Variants in NCKAP5 observed in about 807,000 individuals in gnomAD.
NCKAP5 encodes NCK associated protein 5, also known as nck-associated protein 5.
In NCKAP5, 92 loss-of-function variants were observed where a neutral mutation model predicts 167.0. The observed-to-expected ratio is 0.55, with a 90% CI of 0.47 to 0.66. The LOEUF (loss-of-function observed/expected upper bound fraction) is 0.66. NCKAP5 is among the 30% of genes least tolerant of loss of function. NCKAP5 has a pLI of 0.00. For missense variants in NCKAP5, 2,378 were observed against 2,315.0 expected (o/e 1.03, Z -0.56); for synonymous variants, 891 against 877.4 (o/e 1.02, Z -0.27).
rs1689808707 is a variant in NCKAP5, at chr2:132,860,522, T to C, written c.777A>G (p.Arg259=). 6.3e-7 allele frequency: 1 copy of C among 1,583,980 alleles called. No homozygotes were observed. The highest frequency in any genetic ancestry group is 8.6e-7 in the Non-Finnish European group (1 of 1,162,866). The change falls in exon 11 of 20, where the codon CGA becomes CGG. Residue 259 remains arginine (R), a synonymous_variant. Transcript: ENST00000409261. ...GGAGCAGATCAGAAGTGGGTCTGACTCGCTGTTGGAATAGGATGCTTAGTG... is the reference window on the plus strand; with the variant it reads ...GGAGCAGATCAGAAGTGGGTCTGACCCGCTGTTGGAATAGGATGCTTAGTG... The part of the protein sequence containing the change: ...NRTLSILFQQ[R]VRPTSDLLLQ...
In NCKAP5 at chr2:133,477,610, C is replaced by G. The variant is rs567193599; in HGVS notation, c.69+39848G>C. 1.8e-3 allele frequency among the ~76,000 whole-genome samples: 275 copies of G among 152,140 alleles called. 1 individual carries two copies. The highest frequency in any genetic ancestry group is 5.8e-3 in the African/African-American group (240 of 41,504). On this transcript the variant is annotated intron_variant, in intron 3 of 19. Coordinates refer to ENST00000409261, the MANE Select transcript of NCKAP5 (RefSeq NM_207363.3). ...AGAGTTTAATTTATAAATTAGATAC[C>G]ACAAGAGATTAACAGTAACTACTAA...
At chr2:132,870,435 A>G (rs1054479955) in intron 9 of NCKAP5, among the ~76,000 whole-genome samples, 1 of 152,132 alleles carries the variant, frequency 6.6e-6, no homozygotes, top group African/African-American at 2.4e-5. Flanking sequence ...TAAATATCCT[A>G]GATATAAGGC....
intron 4 of NCKAP5, among the ~76,000 whole-genome samples, chr2:133,279,029 T>TG (rs1395054556): frequency 2.0e-5 from 3 of 152,228 alleles, no homozygotes; most frequent in Non-Finnish European, 2.9e-5. Flanking sequence ...GGTGCGACTG[T>TG]GGGTAATCAT....
intron 3 of NCKAP5, among the ~76,000 whole-genome samples, chr2:133,308,573 G>T (rs2150597431): frequency 6.7e-6 from 1 of 150,210 alleles, no homozygotes; most frequent in Middle Eastern, 3.5e-3. Context: ...GAAAGCAAAT[G>T]ATATTCATTG....
chr2:133,641,584 A>C, the NCKAP5 span, among the ~76,000 whole-genome samples: 1 of 152,208 alleles, frequency 6.6e-6, no homozygotes, highest in South Asian at 2.1e-4. Flanking sequence ...GTCTGGCACC[A>C]CAGAGTGGGA....
At chr2:133,550,729 T>A (rs547830652) in intron 2 of NCKAP5, among the ~76,000 whole-genome samples, 1 of 130,490 alleles carries the variant, frequency 7.7e-6, no homozygotes, top group South Asian at 3.0e-4. Flanking sequence ...TTCAACATAG[T>A]GTTGGAAGTT....
intron 16 of NCKAP5, among the ~76,000 whole-genome samples, chr2:132,749,884 G>T (rs1679966994): frequency 6.6e-6 from 1 of 152,150 alleles, no homozygotes; most frequent in African/African-American, 2.4e-5. Flanking sequence ...TAGTATAAAG[G>T]AGTCCCTTGC....
intron 5 of NCKAP5, among the ~76,000 whole-genome samples, chr2:133,190,928 C>A (rs995914085): frequency 2.0e-4 from 31 of 151,854 alleles, no homozygotes; most frequent in Non-Finnish European, 3.1e-4. Flanking sequence ...AATGGGATCT[C>A]ATTAAACTAA....
chr2:133,605,543 C>G, the NCKAP5 span, among the ~76,000 whole-genome samples: 2 of 152,196 alleles, frequency 1.3e-5, no homozygotes, highest in African/African-American at 4.8e-5. Context: ...CATCTGCTAA[C>G]TTGGTAGAAT....
intron 3 of NCKAP5, among the ~76,000 whole-genome samples, chr2:133,345,071 G>A (rs753419273): frequency 6.6e-6 from 1 of 152,086 alleles, no homozygotes; most frequent in Non-Finnish European, 1.5e-5. Flanking sequence ...CTGGGGAGGA[G>A]GCAACCTTTT....
At chr2:132,911,852 C>T (rs77631858) in intron 8 of NCKAP5, among the ~76,000 whole-genome samples, 4,139 of 152,266 alleles carry the variant, frequency 0.027, 165 homozygotes, top group African/African-American at 0.093. Context: ...TCCCCCATGG[C>T]TCCGGTAAAC....
At chr2:132,701,290 G>A (rs1309506862) in intron 19 of NCKAP5, among the ~76,000 whole-genome samples, 1 of 152,106 alleles carries the variant, frequency 6.6e-6, no homozygotes, top group East Asian at 1.9e-4. Flanking sequence ...CGGGATAAGA[G>A]AGCAGGGTGC....
intron 2 of NCKAP5, among the ~76,000 whole-genome samples, chr2:133,519,063 C>T (rs1189896946): frequency 6.6e-6 from 1 of 152,182 alleles, no homozygotes; most frequent in Non-Finnish European, 1.5e-5. Flanking sequence ...ATGGATCAAA[C>T]AGGCAGGATT....
At chr2:132,898,884 T>C (rs1260092514) in intron 8 of NCKAP5, among the ~76,000 whole-genome samples, 1 of 152,224 alleles carries the variant, frequency 6.6e-6, no homozygotes, top group Non-Finnish European at 1.5e-5. Flanking sequence ...AGCATAATTG[T>C]TAAGGGCCAT....
At chr2:133,573,240 C>G (rs1236540668), upstream of NCKAP5, among the ~76,000 whole-genome samples, 1 of 152,188 alleles carries the variant, frequency 6.6e-6, no homozygotes, top group Non-Finnish European at 1.5e-5. Flanking sequence ...CAACAAAGTT[C>G]AGATTACTCC....
chr2:132,899,876 A>G (rs917120116), intron 8 of NCKAP5, among the ~76,000 whole-genome samples: 3 of 152,142 alleles, frequency 2.0e-5, no homozygotes, highest in African/African-American at 7.2e-5. Flanking sequence ...CTCCATCTCA[A>G]ACAAACAAAC....
Position 133,280,679 on chromosome 2 carries a change from A to G in NCKAP5, c.143+22358T>C, listed in dbSNP as rs574154212. Among the ~76,000 whole-genome samples the G allele has an allele frequency of 1.2e-4, 19 of 152,316 alleles. No individual in the cohort carries two copies. The South Asian group carries it at 3.9e-3, about 32-fold the overall frequency. On this transcript the variant is annotated intron_variant, in intron 4 of 19. Transcript: ENST00000409261. ...CATCAAGGTTGCAAAACATCCCAAG[A>G]AAACAATTTTTAAAATTCATTCTAG...
intron 3 of NCKAP5, among the ~76,000 whole-genome samples, chr2:133,470,976 A>T (rs926939706): frequency 1.3e-5 from 2 of 152,348 alleles, no homozygotes; most frequent in South Asian, 4.1e-4. Context: ...CGTCTTCTGC[A>T]TCGCTCACGC....
At chr2:132,805,742 A>T (rs969847788) in intron 11 of NCKAP5, among the ~76,000 whole-genome samples, 1 of 151,246 alleles carries the variant, frequency 6.6e-6, no homozygotes, top group Non-Finnish European at 1.5e-5. Context: ...TATTATTTTT[A>T]AAAAATTTAA....
Sources: gnomAD v4.1 joint callset for allele counts (sites outside exome capture counted in the v4.1 genomes callset) on GRCh38, gnomAD v4.1.1 for gene constraint, MANE v1.5 for transcripts, NCBI Gene and HGNC (gene_info 2026-07-23, HGNC 2026-07-21) for gene names.